COPG2: variants seen among roughly 807,000 people sequenced by gnomAD.
The protein encoded by COPG2 is coatomer subunit gamma-2.
A neutral mutation model predicts 46.3 loss-of-function variants in COPG2; 37 were observed. The observed-to-expected ratio is 0.80, with a 90% CI of 0.61 to 1.05. The LOEUF (loss-of-function observed/expected upper bound fraction) is 1.05. Among genes scored for constraint, COPG2 ranks in the 50% least tolerant of loss-of-function variants. COPG2 has a pLI of 0.00. For missense variants in COPG2, 427 were observed against 387.8 expected, an observed-to-expected ratio of 1.10 and a Z score of -0.85; for synonymous variants, 159 against 129.7, an observed-to-expected ratio of 1.23 and a Z score of -1.53.
At chr7:130,629,716 A>G (rs1362253169) in intron 5 of COPG2, among the ~76,000 whole-genome samples, 1 of 151,638 alleles carries the variant, frequency 6.6e-6, no homozygotes, top group African/African-American at 2.4e-5. Flanking sequence ...AATTCTACAT[A>G]TGCTAGTCTG....
At chr7:130,655,417 G>C (rs1311673329) in intron 4 of COPG2, among the ~76,000 whole-genome samples, 1 of 152,044 alleles carries the variant, frequency 6.6e-6, no homozygotes, top group Non-Finnish European at 1.5e-5. Flanking sequence ...CTCACTGGTG[G>C]GAATACAAAC....
intron 5 of COPG2, among the ~76,000 whole-genome samples, chr7:130,620,716 T>C (rs1795024795): frequency 6.6e-6 from 1 of 152,220 alleles, no homozygotes; most frequent in Non-Finnish European, 1.5e-5. Flanking sequence ...ATACTGGAGT[T>C]AGATGATTAG....
At chr7:130,572,781 C>T (rs1039688777) in intron 9 of COPG2, among the ~76,000 whole-genome samples, 2 of 151,690 alleles carry the variant, frequency 1.3e-5, no homozygotes, top group African/African-American at 2.4e-5. Context: ...AAATCAATAA[C>T]CTAGGCTTCC....
intron 20 of COPG2, among the ~76,000 whole-genome samples, chr7:130,523,079 C>A (rs903698219): frequency 0.01 from 1,371 of 131,998 alleles, 11 homozygotes; most frequent in Middle Eastern, 0.029. Context: ...GATCGCACCA[C>A]TGCACTCCAG....
intron 1 of COPG2, 146 bp from the exon 2 acceptor site, chr7:130,667,680 T>A (rs1424338015): frequency 1.9e-6 from 1 of 521,926 alleles, no homozygotes; most frequent in Non-Finnish European, 3.3e-6. Flanking sequence ...ACGAACTGAA[T>A]GAAATCATTT....
chr7:130,601,891 GA>G (rs201360520), intron 9 of COPG2, among the ~76,000 whole-genome samples: 29,274 of 135,578 alleles, frequency 0.22, 3,010 homozygotes, highest in Middle Eastern at 0.28. Context: ...AGCAAAGAAG[GA>G]AGGAAGGAAG....
At chr7:130,660,199 A>G (rs1402219410) in intron 4 of COPG2, among the ~76,000 whole-genome samples, 1 of 152,214 alleles carries the variant, frequency 6.6e-6, no homozygotes, top group Non-Finnish European at 1.5e-5. Context: ...ATCATGCTGT[A>G]CATGGCTACT....
intron 10 of COPG2, among the ~76,000 whole-genome samples, chr7:130,563,750 C>T (rs1182106932): frequency 5.0e-5 from 6 of 119,510 alleles, no homozygotes; most frequent in East Asian, 2.2e-4. Flanking sequence ...AGTGAGACTC[C>T]GTCTCAAAAA....
chr7:130,550,148 C>A (rs963509770), intron 17 of COPG2, among the ~76,000 whole-genome samples: 1 of 151,966 alleles, frequency 6.6e-6, no homozygotes, highest in Non-Finnish European at 1.5e-5. Flanking sequence ...CGGTGGCTCC[C>A]GCCTGTAATC....
chr7:130,637,879 A>C (rs1795376121), intron 5 of COPG2, among the ~76,000 whole-genome samples: 1 of 151,938 alleles, frequency 6.6e-6, no homozygotes, highest in Non-Finnish European at 1.5e-5. Context: ...TTGGTCTTTG[A>C]TGTTGGTGAC....
At chr7:130,557,841 A>T in intron 12 of COPG2, among the ~76,000 whole-genome samples, 1 of 140,890 alleles carries the variant, frequency 7.1e-6, no homozygotes, top group African/African-American at 2.6e-5. Context: ...AAAAAAAATC[A>T]TGCAAGAATA....
rs555857966 is a variant in COPG2, at chr7:130,660,691, C to A, written c.243+2276G>T. On this transcript the variant is annotated intron_variant, in intron 4 of 23. Coordinates refer to ENST00000425248, the MANE Select transcript of COPG2 (RefSeq NM_012133.6). ...CAGATGGTATCTCTAAACCTCTGACCTCTTCATTCCTCGACCTCCTCTTCT... is the reference window on the plus strand; with the variant it reads ...CAGATGGTATCTCTAAACCTCTGACATCTTCATTCCTCGACCTCCTCTTCT... 5.3e-5 allele frequency among the ~76,000 whole-genome samples: 8 copies of A among 152,238 alleles called. No homozygotes were observed. In the East Asian group the frequency reaches 1.5e-3, roughly 29 times the overall value.
intron 5 of COPG2, among the ~76,000 whole-genome samples, chr7:130,618,602 T>C (rs543448971): frequency 7.9e-5 from 12 of 152,326 alleles, no homozygotes; most frequent in African/African-American, 2.6e-4. Flanking sequence ...AAGTGTTCCA[T>C]GAATACTTAT....
intron 20 of COPG2, chr7:130,510,033 G>T (rs1363376806): frequency 2.0e-6 from 1 of 512,412 alleles, no homozygotes; most frequent in African/African-American, 1.9e-5. Flanking sequence ...AAGATAATTT[G>T]TTTAGGAATA....
intron 6 of COPG2, 92 bp downstream of exon 6, chr7:130,616,896 CAA>C: frequency 1.3e-6 from 1 of 757,042 alleles, no homozygotes; most frequent in South Asian, 1.9e-5. Context: ...TGAAAATTCA[CAA>C]AGTCAGACTA....
At chr7:130,588,879 GATA>G (rs1794340801) in intron 9 of COPG2, among the ~76,000 whole-genome samples, 1 of 151,980 alleles carries the variant, frequency 6.6e-6, no homozygotes, top group African/African-American at 2.4e-5. Flanking sequence ...GCTCCCTAAA[GATA>G]ATGACTATAA....
intron 20 of COPG2, among the ~76,000 whole-genome samples, chr7:130,545,084 G>T (rs990388823): frequency 3.9e-5 from 6 of 152,124 alleles, no homozygotes; most frequent in African/African-American, 1.4e-4. Context: ...TGATTTTAGA[G>T]AGGATAAAGG....
chr7:130,540,850 G>A (rs1010534930), intron 20 of COPG2, among the ~76,000 whole-genome samples: 48 of 152,132 alleles, frequency 3.2e-4, no homozygotes, highest in Non-Finnish European at 6.0e-4. Context: ...TGGACCCCCA[G>A]GCAGGGCTAT....
chr7:130,567,900 C>T (rs2116411262), intron 9 of COPG2, among the ~76,000 whole-genome samples: 1 of 152,112 alleles, frequency 6.6e-6, no homozygotes, highest in South Asian at 2.1e-4. Flanking sequence ...AACAATAACA[C>T]AATGAAAAAT....
Sources: allele counts gnomAD v4.1 joint callset (sites outside exome capture counted in the v4.1 genomes callset), GRCh38; gene constraint gnomAD v4.1.1; transcripts MANE v1.5; gene names NCBI Gene and HGNC (gene_info 2026-07-23, HGNC 2026-07-21).